Variants in CTNNA3 observed in about 807,000 individuals in gnomAD.
CTNNA3 encodes the protein catenin alpha 3.
Under a neutral mutation model 95.7 loss-of-function variants are expected in CTNNA3, and 76 were observed. The observed-to-expected ratio is 0.79, with a 90% CI of 0.66 to 0.96. The LOEUF (loss-of-function observed/expected upper bound fraction) is 0.96. Ranked by LOEUF, CTNNA3 falls within the 40% of genes least tolerant of loss-of-function variation. CTNNA3 has a pLI of 0.00. For synonymous variants in CTNNA3, 431 were observed against 374.4 expected (o/e 1.15, Z -1.74); for missense variants, 1,191 against 1,089.8 (o/e 1.09, Z -1.31).
In CTNNA3 at chr10:66,794,739, G is replaced by A. The variant is rs185016385; in HGVS notation, c.1048-19215C>T. The stretch of plus-strand genomic sequence containing the variant: ...AGATATTTGAGAGTTTTTTACTAGC[G>A]GTAGAACATCTTTCAGAACTGGAGT... On this transcript the variant is annotated intron_variant, in intron 7 of 17. Coordinates refer to ENST00000433211, the MANE Select transcript of CTNNA3 (RefSeq NM_013266.4). Among the ~76,000 whole-genome samples the A allele has an allele frequency of 1.4e-3, 220 of 152,140 alleles. 1 individual carries two copies. Among genetic ancestry groups the A allele is most frequent in the African/African-American group, 4.9e-3 (203 of 41,516 alleles).
chr10:67,307,892 A>C (rs1840622497), intron 5 of CTNNA3, among the ~76,000 whole-genome samples: 1 of 152,204 alleles, frequency 6.6e-6, no homozygotes, highest in Non-Finnish European at 1.5e-5. Context: ...TATGGATGAA[A>C]TTAACCAGTG....
At chr10:67,644,495 GAA>G (rs11303361) in intron 2 of CTNNA3, among the ~76,000 whole-genome samples, 4 of 150,684 alleles carry the variant, frequency 2.7e-5, no homozygotes, top group African/African-American at 9.7e-5. Flanking sequence ...TGTTATCCTA[GAA>G]AAAAAAACCT....
At chr10:67,054,578 T>C (rs1175124805) in intron 7 of CTNNA3, 1 of 152,184 alleles carries the variant, frequency 6.6e-6, no homozygotes, top group Non-Finnish European at 1.5e-5. Flanking sequence ...AAAAGGGCAA[T>C]GCTCATATGA....
chr10:67,750,754 G>T, intron 1 of CTNNA3: 1 of 1,597,616 alleles, frequency 6.3e-7, no homozygotes, highest in African/African-American at 1.3e-5. Flanking sequence ...GAAAGCCCTT[G>T]GGGTCTCCAA....
intron 7 of CTNNA3, among the ~76,000 whole-genome samples, chr10:67,130,728 CTGTGA>C (rs1203857509): frequency 1.3e-5 from 2 of 152,032 alleles, no homozygotes; most frequent in African/African-American, 4.8e-5. Context: ...GTTTATAATC[CTGTGA>C]TCTGAGCTTG....
intron 7 of CTNNA3, among the ~76,000 whole-genome samples, chr10:66,970,504 G>GGGC (rs1554888638): frequency 1.1e-5 from 1 of 92,944 alleles, no homozygotes; most frequent in Non-Finnish European, 2.4e-5. Context: ...TTCTTGGGTG[G>GGGC]GGGGGGGATA....
chr10:66,879,003 G>A (rs1340572611), intron 7 of CTNNA3, among the ~76,000 whole-genome samples: 1 of 152,092 alleles, frequency 6.6e-6, no homozygotes, highest in Non-Finnish European at 1.5e-5. Context: ...TTAGTGTCTT[G>A]TAGACTTTGT....
intron 7 of CTNNA3, among the ~76,000 whole-genome samples, chr10:66,782,946 C>A (rs934710325): frequency 6.6e-6 from 1 of 152,060 alleles, no homozygotes; most frequent in Non-Finnish European, 1.5e-5. Context: ...TTGACCTTAA[C>A]TAGGATGAAT....
At chr10:67,751,836 CAAA>C (rs34653199) in intron 1 of CTNNA3, among the ~76,000 whole-genome samples, 5 of 93,158 alleles carry the variant, frequency 5.4e-5, no homozygotes, top group Admixed American at 1.1e-4. Flanking sequence ...AGCTACCAAC[CAAA>C]AAAAAAAAAA....
chr10:66,840,372 TCACACACACACACACA>T (rs138947952), intron 7 of CTNNA3, among the ~76,000 whole-genome samples: 3 of 71,378 alleles, frequency 4.2e-5, no homozygotes, highest in South Asian at 1.1e-3. Flanking sequence ...TCTCTCTCTC[TCACACACACACACACA>T]CACACACACA....
intron 1 of CTNNA3, among the ~76,000 whole-genome samples, chr10:67,715,885 T>C (rs1397413713): frequency 1.3e-5 from 2 of 152,276 alleles, no homozygotes; most frequent in Admixed American, 1.3e-4. Flanking sequence ...GGTATTTTTT[T>C]TAAATGCAGA....
intron 5 of CTNNA3, among the ~76,000 whole-genome samples, chr10:67,454,895 G>T (rs1847115634): frequency 6.6e-6 from 1 of 152,034 alleles, no homozygotes; most frequent in African/African-American, 2.4e-5. Flanking sequence ...ACAGTTTAGA[G>T]AATTACAAAA....
intron 9 of CTNNA3, among the ~76,000 whole-genome samples, chr10:66,647,490 TAGAG>T (rs1263058823): frequency 6.7e-6 from 1 of 149,398 alleles, no homozygotes; most frequent in African/African-American, 2.5e-5. Context: ...ATAGCAGAGA[TAGAG>T]AGTTATAAAA....
At chr10:66,307,841 A>G (rs1589061709) in intron 12 of CTNNA3, among the ~76,000 whole-genome samples, 1 of 152,310 alleles carries the variant, frequency 6.6e-6, no homozygotes, top group East Asian at 1.9e-4. Context: ...AATAAGGTTT[A>G]CTAACTGAGA....
At chr10:67,464,264 C>T (rs1251339931) in intron 5 of CTNNA3, among the ~76,000 whole-genome samples, 1 of 152,136 alleles carries the variant, frequency 6.6e-6, no homozygotes, top group Non-Finnish European at 1.5e-5. Context: ...CCCACTATAG[C>T]AGTCTTTCGC....
At chr10:66,452,836 C>T (rs563264782) in intron 11 of CTNNA3, among the ~76,000 whole-genome samples, 3 of 152,164 alleles carry the variant, frequency 2.0e-5, no homozygotes, top group East Asian at 1.9e-4. Flanking sequence ...AGAAGATAAG[C>T]TTTGACTGCC....
intron 15 of CTNNA3, among the ~76,000 whole-genome samples, chr10:66,066,950 T>A (rs2080325266): frequency 6.6e-6 from 1 of 152,034 alleles, no homozygotes; most frequent in Admixed American, 6.6e-5. Flanking sequence ...TCATCCCAAT[T>A]TTTCTATTAT....
intron 15 of CTNNA3, among the ~76,000 whole-genome samples, chr10:66,051,851 A>G (rs1380904881): frequency 6.6e-6 from 1 of 152,136 alleles, no homozygotes; most frequent in African/African-American, 2.4e-5. Context: ...TAATAATTAG[A>G]TTGATAGGTT....
At chr10:67,437,624 TA>T (rs1267126482) in intron 5 of CTNNA3, among the ~76,000 whole-genome samples, 1 of 152,078 alleles carries the variant, frequency 6.6e-6, no homozygotes, top group Non-Finnish European at 1.5e-5. Flanking sequence ...TATAAATTAG[TA>T]AAAATTTTTC....
Sources: gnomAD v4.1 joint callset for allele counts (sites outside exome capture counted in the v4.1 genomes callset) on GRCh38, gnomAD v4.1.1 for gene constraint, MANE v1.5 for transcripts, NCBI Gene and HGNC (gene_info 2026-07-23, HGNC 2026-07-21) for gene names.